The following RAD18 variants were observed in gnomAD, a reference collection of about 807,000 sequenced individuals.
The protein encoded by RAD18 is E3 ubiquitin-protein ligase RAD18.
A neutral mutation model predicts 60.4 loss-of-function variants in RAD18; 47 were observed. That is an observed-to-expected ratio of 0.78 (90% CI 0.62 to 0.99). RAD18 has a LOEUF of 0.99. Among genes scored for constraint, RAD18 ranks in the 50% least tolerant of loss-of-function variants. The pLI, the probability that RAD18 is intolerant of heterozygous loss-of-function variation, is 0.00. For missense variants in RAD18, 640 were observed against 593.3 expected (o/e 1.08, Z -0.82); for synonymous variants, 225 against 195.5 (o/e 1.15, Z -1.26).
intron 2 of RAD18, among the ~76,000 whole-genome samples, chr3:8,954,349 T>C (rs1242240393): frequency 6.6e-6 from 1 of 152,244 alleles, no homozygotes; most frequent in Non-Finnish European, 1.5e-5. Flanking sequence ...AAATTTCCTT[T>C]TTACTATTAA....
intron 7 of RAD18, among the ~76,000 whole-genome samples, chr3:8,933,894 T>C (rs981344019): frequency 2.0e-5 from 3 of 152,192 alleles, no homozygotes; most frequent in Admixed American, 1.3e-4. Flanking sequence ...CAAGACCTAT[T>C]ATAAATTACT....
intron 7 of RAD18, among the ~76,000 whole-genome samples, chr3:8,922,941 G>A (rs1326891933): frequency 6.6e-6 from 1 of 152,158 alleles, no homozygotes; most frequent in Non-Finnish European, 1.5e-5. Flanking sequence ...AAGACAAAAG[G>A]TAGATAAAAC....
chr3:8,948,592 A>G (rs776968316), intron 2 of RAD18, 22 bp from the exon 3 acceptor site: 2 of 1,573,520 alleles, frequency 1.3e-6, no homozygotes, highest in South Asian at 1.1e-5. Flanking sequence ...AAAGTGCAAC[A>G]TAATGTTAAT....
At chr3:8,956,865 TA>T (rs1200999365) in intron 2 of RAD18, among the ~76,000 whole-genome samples, 2 of 151,978 alleles carry the variant, frequency 1.3e-5, no homozygotes, top group Non-Finnish European at 2.9e-5. Context: ...TACTTAATGG[TA>T]AAAGACTGAA....
intron 10 of RAD18, among the ~76,000 whole-genome samples, chr3:8,899,467 T>C (rs1384111251): frequency 6.6e-6 from 1 of 152,198 alleles, no homozygotes; most frequent in African/African-American, 2.4e-5. Flanking sequence ...TATATGATAG[T>C]GAATCTATCT....
At chr3:8,882,997 T>C (rs1939497621) in intron 12 of RAD18, among the ~76,000 whole-genome samples, 1 of 152,210 alleles carries the variant, frequency 6.6e-6, no homozygotes, top group Non-Finnish European at 1.5e-5. Flanking sequence ...TGGAAATTCC[T>C]TCAATAGGCT....
rs1940650447 is a variant in RAD18, at chr3:8,936,188, A to G, written c.705-133T>C. On this transcript the variant is annotated intron_variant, in intron 6 of 12. Transcript: ENST00000264926. ...AGAACCATTAGATTAAAAAGGGGAG[A>G]GAAAAATCAAGTTTGTGGATAAAGT... is the stretch of plus-strand genomic sequence containing the variant. 12 of 873,006 alleles carry G rather than the reference A, an allele frequency of 1.4e-5. No individual in the cohort carries two copies. In the South Asian group the frequency reaches 2.3e-4, roughly 16 times the overall value. The allele number at this position is 873,006 out of a possible 1,614,324, so 54.1% of individuals were successfully genotyped here.
At chr3:8,925,395 G>C (rs1940415423) in intron 7 of RAD18, among the ~76,000 whole-genome samples, 1 of 152,070 alleles carries the variant, frequency 6.6e-6, no homozygotes, top group African/African-American at 2.4e-5. Context: ...CCAATAACAG[G>C]CTCTGAAATT....
chr3:8,881,238 A>T lies in RAD18; in HGVS notation c.*119T>A. On this transcript the variant is annotated 3_prime_UTR_variant, in exon 13 of 13. Coordinates refer to ENST00000264926, the MANE Select transcript of RAD18 (RefSeq NM_020165.4). ...AGCAGAAAAGAATGAATATCAGCTA[A>T]CCGTAATATTTAGAATTTAGCATCT... is the stretch of plus-strand genomic sequence containing the variant. 1 of 807,086 alleles carries T rather than the reference A, an allele frequency of 1.2e-6. No homozygotes were observed. The highest frequency in any genetic ancestry group is 2.0e-6 in the Non-Finnish European group (1 of 510,914). 50.0% of individuals were successfully genotyped at this position (807,086 alleles called of 1,614,324 possible).
chr3:8,935,462 A>G (rs1940632498), intron 7 of RAD18, among the ~76,000 whole-genome samples: 1 of 152,190 alleles, frequency 6.6e-6, no homozygotes, highest in South Asian at 2.1e-4. Context: ...ATTTCACTCA[A>G]CATTATGAAG....
chr3:8,961,451 C>T lies in RAD18; in HGVS notation c.51+1884G>A, dbSNP rs541390868. ...ACTATGGACTCTCTGCTCAGAAAAA[C>T]ATACATGCAAAAATTTTACAAATAA... On this transcript the variant is annotated intron_variant, in intron 1 of 12. Coordinates refer to ENST00000264926, the MANE Select transcript of RAD18 (RefSeq NM_020165.4). Among the ~76,000 whole-genome samples the T allele has an allele frequency of 2.8e-4, 42 of 152,308 alleles. 1 individual carries two copies. The highest frequency in any genetic ancestry group is 7.8e-4 in the Admixed American group (12 of 15,292).
chr3:8,922,386 G>A (rs1440336567), intron 7 of RAD18, among the ~76,000 whole-genome samples: 1 of 152,238 alleles, frequency 6.6e-6, no homozygotes, highest in Non-Finnish European at 1.5e-5. Flanking sequence ...AGTGAGGCTG[G>A]GGGAGGGGTG....
At chr3:8,950,016 GT>G (rs45533838) in intron 2 of RAD18, among the ~76,000 whole-genome samples, 5 of 151,962 alleles carry the variant, frequency 3.3e-5, no homozygotes, top group Middle Eastern at 3.4e-3. Context: ...AGAGTAGTCT[GT>G]TTTTTTTGTT....
chr3:8,898,381 CGTGTGTGTGT>C (rs59853617), intron 11 of RAD18, among the ~76,000 whole-genome samples: 123 of 148,426 alleles, frequency 8.3e-4, no homozygotes, highest in Middle Eastern at 6.8e-3. Flanking sequence ...TGTGTGCATG[CGTGTGTGTGT>C]GTGTGTGTGT....
intron 2 of RAD18, among the ~76,000 whole-genome samples, chr3:8,955,564 A>C (rs1321129289): frequency 6.6e-6 from 1 of 152,164 alleles, no homozygotes; most frequent in Non-Finnish European, 1.5e-5. Context: ...GCCTAAGGGA[A>C]TGGTTTCTGT....
chr3:8,878,593 C>A lies in RAD18; in HGVS notation c.*2764G>T, dbSNP rs1939404750. ...ATCCCTGTTGACACATCAGTCTTTACCATGTAATTTTGTTTTTAAAGGCAT... is the reference window on the plus strand; with the variant it reads ...ATCCCTGTTGACACATCAGTCTTTAACATGTAATTTTGTTTTTAAAGGCAT... On this transcript the variant is annotated 3_prime_UTR_variant, in exon 13 of 13. Coordinates refer to ENST00000264926, the MANE Select transcript of RAD18 (RefSeq NM_020165.4). The A allele has an allele frequency of 6.6e-6, 1 of 152,152 alleles. No homozygotes were observed. The highest frequency in any genetic ancestry group is 2.1e-4 in the South Asian group (1 of 4,822). The allele number at this position is 152,152 out of a possible 1,614,324, so 9.4% of individuals were successfully genotyped here.
At chr3:8,895,471 T>C (rs1355426426) in intron 11 of RAD18, among the ~76,000 whole-genome samples, 5 of 152,218 alleles carry the variant, frequency 3.3e-5, no homozygotes, top group Admixed American at 3.3e-4. Context: ...TTAGTAGTTT[T>C]TCTAATAATT....
At chr3:8,937,302 G>C (rs1940669882) in intron 6 of RAD18, among the ~76,000 whole-genome samples, 1 of 152,108 alleles carries the variant, frequency 6.6e-6, no homozygotes, top group Admixed American at 6.6e-5. Flanking sequence ...AAATTCCAGT[G>C]AAGAACTGTA....
chr3:8,937,594 C>G (rs1368494035), intron 6 of RAD18, among the ~76,000 whole-genome samples: 1 of 151,524 alleles, frequency 6.6e-6, no homozygotes, highest in Admixed American at 6.6e-5. Context: ...GGCCTTTTCT[C>G]TATGACCTGA....
Sources: allele counts gnomAD v4.1 joint callset (sites outside exome capture counted in the v4.1 genomes callset), GRCh38; gene constraint gnomAD v4.1.1; transcripts MANE v1.5; gene names NCBI Gene and HGNC (gene_info 2026-07-23, HGNC 2026-07-21).